Variants in TBC1D2B observed in about 807,000 individuals in gnomAD.
The protein encoded by TBC1D2B is TBC1 domain family, member 2B.
Under a neutral mutation model 100.8 loss-of-function variants are expected in TBC1D2B, and 64 were observed. The ratio of observed to expected loss-of-function variants is 0.64; its 90% CI spans 0.52 to 0.78. The LOEUF (loss-of-function observed/expected upper bound fraction) is 0.78. Ranked by LOEUF, TBC1D2B falls within the 30% of genes least tolerant of loss-of-function variation. The pLI is 0.00. For missense variants in TBC1D2B, 1,052 were observed against 1,218.4 expected (o/e 0.86, Z 2.03); for synonymous variants, 480 against 479.7 (o/e 1.00, Z -0.01).
At chr15:78,016,453 G>A in intron 8 of TBC1D2B, 93 bp downstream of exon 8, 1 of 1,205,994 alleles carries the variant, frequency 8.3e-7, no homozygotes, top group Admixed American at 2.1e-5. Context: ...GAGACACACA[G>A]TTGTGTACGG....
At chr15:78,007,011 C>T (rs1419461262) in intron 10 of TBC1D2B, among the ~76,000 whole-genome samples, 1 of 152,246 alleles carries the variant, frequency 6.6e-6, no homozygotes, top group Admixed American at 6.5e-5. Flanking sequence ...GCGGGAACAG[C>T]AGCAGGGGCC....
chr15:78,077,099 C>A (rs1368368609), intron 1 of TBC1D2B, among the ~76,000 whole-genome samples, 194 bp downstream of exon 1: 2 of 152,172 alleles, frequency 1.3e-5, no homozygotes, highest in Admixed American at 6.5e-5. Context: ...GTAGCCCCAG[C>A]GAGACTGGCC....
At chr15:78,023,385 G>C (rs1210471492) in intron 6 of TBC1D2B, among the ~76,000 whole-genome samples, 1 of 152,174 alleles carries the variant, frequency 6.6e-6, no homozygotes, top group Non-Finnish European at 1.5e-5. Context: ...TCAAGAACCG[G>C]TGGCAGCAAG....
At chr15:78,026,215 T>A (rs1461900476) in intron 4 of TBC1D2B, among the ~76,000 whole-genome samples, 1 of 152,068 alleles carries the variant, frequency 6.6e-6, no homozygotes, top group East Asian at 1.9e-4. Context: ...GTTTATGTGT[T>A]AGAAATTTAA....
rs145185896 is a variant in TBC1D2B, at chr15:78,023,628, G to C, written c.1470+528C>G. Among the ~76,000 whole-genome samples the C allele has an allele frequency of 2.0e-4, 30 of 152,316 alleles. No homozygotes were observed. In the East Asian group the frequency reaches 5.0e-3, roughly 25 times the overall value. On this transcript the variant is annotated intron_variant, in intron 6 of 12. Coordinates refer to ENST00000300584, the MANE Select transcript of TBC1D2B (RefSeq NM_144572.2). ...GGGGAGGAAAGCTGTCCTTCCTACT[G>C]AGTGTCAGGACCCTCCCATCTTGGG...
intron 5 of TBC1D2B, among the ~76,000 whole-genome samples, chr15:78,024,963 T>C (rs1158928993): frequency 6.6e-6 from 1 of 152,218 alleles, no homozygotes; most frequent in Non-Finnish European, 1.5e-5. Context: ...AAACTGTGTT[T>C]AGGGAGATTC....
chr15:78,003,400 TGA>T lies in TBC1D2B; in HGVS notation c.2477_2478del (p.Leu826HisfsTer13), dbSNP rs771908880. The T allele has an allele frequency of 6.2e-7, 1 of 1,613,866 alleles. No individual in the cohort carries two copies. The highest frequency in any genetic ancestry group is 8.5e-7 in the Non-Finnish European group (1 of 1,179,838). ...ACCACCAGAAACCAGTTGAAAGTGATGAGAGTGTAGTCGACTTTGTACTGTTC... is the reference window on the plus strand; with the variant it reads ...ACCACCAGAAACCAGTTGAAAGTGATGAGTGTAGTCGACTTTGTACTGTTC... The part of the protein sequence containing the change: ...HFEQYKVDYT[L>X]ITFNWFLVVF... On this transcript the variant is annotated frameshift_variant, in exon 11 of 13. Coordinates refer to ENST00000300584, the MANE Select transcript of TBC1D2B (RefSeq NM_144572.2). LOFTEE classifies it high-confidence loss of function.
intron 1 of TBC1D2B, among the ~76,000 whole-genome samples, chr15:78,054,951 A>T (rs2073390483): frequency 6.6e-6 from 1 of 152,042 alleles, no homozygotes; most frequent in African/African-American, 2.4e-5. Flanking sequence ...AGAAAGGATT[A>T]AAAAAAACTG....
chr15:78,037,134 G>A (rs2072962748), intron 3 of TBC1D2B, among the ~76,000 whole-genome samples: 1 of 151,990 alleles, frequency 6.6e-6, no homozygotes, highest in Admixed American at 6.6e-5. Context: ...AGCTCCACAG[G>A]TTCCCTACTG....
chr15:77,999,214 A>G (rs2071846538), intron 12 of TBC1D2B: 1 of 443,696 alleles, frequency 2.3e-6, no homozygotes, highest in Non-Finnish European at 4.6e-6. Flanking sequence ...CAAAGGCCCA[A>G]CAGACTCACC....
intron 8 of TBC1D2B, among the ~76,000 whole-genome samples, chr15:78,015,289 C>A (rs2072342702): frequency 1.3e-5 from 2 of 151,994 alleles, no homozygotes; most frequent in Non-Finnish European, 2.9e-5. Flanking sequence ...TAAAATGAAA[C>A]TATATTGGCA....
intron 1 of TBC1D2B, among the ~76,000 whole-genome samples, chr15:78,073,040 A>G (rs941824660): frequency 6.6e-6 from 1 of 152,210 alleles, no homozygotes; most frequent in Non-Finnish European, 1.5e-5. Flanking sequence ...GATCCCCAAC[A>G]AAGTCAAAAA....
At chr15:78,026,713 C>G (rs2072678169) in intron 4 of TBC1D2B, among the ~76,000 whole-genome samples, 1 of 151,894 alleles carries the variant, frequency 6.6e-6, no homozygotes, top group African/African-American at 2.4e-5. Flanking sequence ...GTCGGGAGTT[C>G]GAGACCAGCC....
rs2141859464 is a variant in TBC1D2B at position 78,077,642 on chromosome 15, G to A, written c.11C>T (p.Ala4Val). MPG[A>V]GARAEEGGGG... ...GCCGCCCTCCTCCGCCCGGGCTCCG[G>A]CCCCCGGCATCGCTACCGCGCGCCA... Residue 4 changes from alanine (A) to valine (V), a missense_variant, in exon 1 of 13, where the codon GCC (alanine) becomes GTC (valine). Physicochemically the swap from Ala to Val is moderately conservative, Grantham distance 64 (BLOSUM62 0). This residue lies in a region of TBC1D2B where 627 missense variants were observed against 646.1 expected (regional missense o/e 0.97). Transcript: ENST00000300584. 3.0e-6 allele frequency: 3 copies of A among 992,036 alleles called. No homozygotes were observed. The highest frequency in any genetic ancestry group is 3.6e-6 in the Non-Finnish European group (3 of 834,932). The allele number at this position is 992,036 out of a possible 1,614,324, so 61.5% of individuals were successfully genotyped here.
At chr15:78,027,255 C>T (rs574645668) in intron 4 of TBC1D2B, among the ~76,000 whole-genome samples, 2 of 152,210 alleles carry the variant, frequency 1.3e-5, no homozygotes, top group South Asian at 2.1e-4. Flanking sequence ...GGAAAGGGCA[C>T]GGGGATGGCA....
rs2073850690 is a variant in TBC1D2B, at chr15:78,077,533, A to T, written c.120T>A (p.Tyr40Ter). ...GGCCCTTGCCCGACAGCTTCTGCAGATAGCCACACAGCCGCGCTGGCTCCC... is the reference window on the plus strand; with the variant it reads ...GGCCCTTGCCCGACAGCTTCTGCAGTTAGCCACACAGCCGCGCTGGCTCCC... The part of the protein sequence containing the change: ...PAREPARLCG[Y>*]LQKLSGKGPL... Residue 40 changes from tyrosine to a stop codon, truncating the protein, a stop_gained, in exon 1 of 13, where the codon TAT becomes TAA. Coordinates refer to ENST00000300584, the MANE Select transcript of TBC1D2B (RefSeq NM_144572.2). LOFTEE classifies it high-confidence loss of function. The T allele has an allele frequency of 6.6e-7, 1 of 1,510,744 alleles. No homozygotes were observed. Among genetic ancestry groups the T allele is most frequent in the Non-Finnish European group, 8.9e-7 (1 of 1,129,760 alleles). The allele number at this position is 1,510,744 out of a possible 1,614,324, so 93.6% of individuals were successfully genotyped here. A position where few individuals can be genotyped will look rare whatever the true frequency, so the allele number is the denominator to read the frequency against.
chr15:78,065,353 G>A (rs142795468), intron 1 of TBC1D2B, among the ~76,000 whole-genome samples: 2 of 152,296 alleles, frequency 1.3e-5, no homozygotes, highest in East Asian at 3.9e-4. Flanking sequence ...GAAAACAACT[G>A]GGCTTGTGAG....
rs762549237 is a variant in TBC1D2B at position 78,017,980 on chromosome 15, C to A, written c.1471-23G>T. 16 of 1,292,770 alleles carry A rather than the reference C, an allele frequency of 1.2e-5. No individual in the cohort carries two copies. The South Asian group carries it at 2.1e-4, about 17-fold the overall frequency. The allele number at this position is 1,292,770 out of a possible 1,614,324, so 80.1% of individuals were successfully genotyped here. ...ATCCTGTTAGAAAAAAAAAAAATCCCTGAATTCACATTGGTTGAATATTGA... is the reference window on the plus strand; with the variant it reads ...ATCCTGTTAGAAAAAAAAAAAATCCATGAATTCACATTGGTTGAATATTGA... On this transcript the variant is annotated intron_variant, in intron 6 of 12. Coordinates refer to ENST00000300584, the MANE Select transcript of TBC1D2B (RefSeq NM_144572.2).
intron 1 of TBC1D2B, 115 bp downstream of exon 1, chr15:78,077,178 A>C: frequency 7.6e-7 from 1 of 1,322,952 alleles, no homozygotes; most frequent in Non-Finnish European, 9.8e-7. Flanking sequence ...AGGCAGGCCG[A>C]CGTGGGCAGG....
Sources: gnomAD v4.1 joint callset for allele counts (sites outside exome capture counted in the v4.1 genomes callset) on GRCh38, gnomAD v4.1.1 for gene constraint, gnomAD v4.1.1 regional missense constraint, MANE v1.5 for transcripts, NCBI Gene and HGNC (gene_info 2026-07-23, HGNC 2026-07-21) for gene names.